The following CD163L1 variants were observed in gnomAD, a reference collection of about 807,000 sequenced individuals.
CD163L1 encodes the protein scavenger receptor cysteine-rich type 1 protein M160.
CD163L1 carries 124 observed loss-of-function variants against 165.4 expected under a neutral mutation model. The observed-to-expected ratio is 0.75, with a 90% CI of 0.65 to 0.87. The LOEUF is 0.87. Ranked by LOEUF, CD163L1 falls within the 40% of genes least tolerant of loss-of-function variation. The pLI, the probability that CD163L1 is intolerant of heterozygous loss-of-function variation, is 0.00. For missense variants in CD163L1, 1,525 were observed against 1,799.9 expected (o/e 0.85, Z 2.76); for synonymous variants, 585 against 662.2 (o/e 0.88, Z 1.79).
At chr12:7,382,971 C>G (rs952612940) in intron 8 of CD163L1, among the ~76,000 whole-genome samples, 8 of 152,152 alleles carry the variant, frequency 5.3e-5, no homozygotes, top group African/African-American at 9.7e-5. Context: ...GAGTGTTCCC[C>G]CATGATAAAG....
intron 1 of CD163L1, among the ~76,000 whole-genome samples, chr12:7,443,767 A>G (rs1231903885): frequency 6.6e-6 from 1 of 152,222 alleles, no homozygotes; most frequent in Non-Finnish European, 1.5e-5. Context: ...CATTTACTGT[A>G]GTACCTGGCA....
chr12:7,412,727 T>C (rs1948160022), intron 4 of CD163L1, among the ~76,000 whole-genome samples: 1 of 151,954 alleles, frequency 6.6e-6, no homozygotes, highest in African/African-American at 2.4e-5. Flanking sequence ...AGACCTCATA[T>C]CTCCCACAGA....
chr12:7,324,273 G>A, the CD163L1 span: 3 of 1,611,758 alleles, frequency 1.9e-6, no homozygotes, highest in Non-Finnish European at 2.5e-6. Context: ...TGGTTCCCAG[G>A]ACAATCCACA....
At position 7,398,324 on chromosome 12, in the gene CD163L1, G is replaced by T; in HGVS notation, c.1669C>A (p.His557Asn). The part of the protein sequence containing the change: ...GNESNIWDCE[H>N]SGWGKHNCVH... ...CAATTATGCTTTCCCCATCCACTGT[G>T]TTCACAGTCCCAGATATTTGACTCA... is the stretch of plus-strand genomic sequence containing the variant. Residue 557 changes from histidine to asparagine, a missense_variant, in exon 7 of 20, where the codon CAC (histidine) becomes AAC (asparagine). By Grantham distance (68) the His-to-Asn change is moderately conservative. Coordinates refer to ENST00000313599, the MANE Select transcript of CD163L1 (RefSeq NM_174941.6). The surrounding 1 kb of genome is among the most constrained non-coding windows in gnomAD (Gnocchi z 4.5). 4 of 1,614,130 alleles carry T rather than the reference G, an allele frequency of 2.5e-6. No individual in the cohort carries two copies. Among genetic ancestry groups the T allele is most frequent in the Non-Finnish European group, 3.4e-6 (4 of 1,180,004 alleles).
chr12:7,423,025 C>T (rs1591958688), intron 4 of CD163L1, among the ~76,000 whole-genome samples: 4 of 152,182 alleles, frequency 2.6e-5, no homozygotes, highest in Admixed American at 2.6e-4. Flanking sequence ...ACAGAATATA[C>T]ATTTTTCTCA....
chr12:7,427,059 A>C (rs1051071639), intron 4 of CD163L1, among the ~76,000 whole-genome samples: 5 of 152,158 alleles, frequency 3.3e-5, no homozygotes, highest in Non-Finnish European at 5.9e-5. Context: ...ATATAAAGCG[A>C]ATATTAAGAG....
downstream of CD163L1, among the ~76,000 whole-genome samples, chr12:7,345,388 C>A (rs1271685046): frequency 1.3e-5 from 2 of 152,142 alleles, no homozygotes; most frequent in African/African-American, 4.8e-5. Flanking sequence ...AGCAGCCAAG[C>A]TCTTTGCTAA....
downstream of CD163L1, among the ~76,000 whole-genome samples, chr12:7,346,285 T>C (rs1946669634): frequency 6.6e-6 from 1 of 152,170 alleles, no homozygotes; most frequent in South Asian, 2.1e-4. Flanking sequence ...TATTCCATTT[T>C]ATTTTTTATT....
chr12:7,335,062 C>T, the CD163L1 span, among the ~76,000 whole-genome samples: 1 of 152,140 alleles, frequency 6.6e-6, no homozygotes, highest in East Asian at 1.9e-4. Flanking sequence ...AATGGCCATA[C>T]TGCCCAAGGT....
At chr12:7,325,513 G>T in the CD163L1 span, among the ~76,000 whole-genome samples, 1 of 152,160 alleles carries the variant, frequency 6.6e-6, no homozygotes, top group African/African-American at 2.4e-5. Flanking sequence ...CTGGCATGGT[G>T]GCGGGCACCT....
intron 18 of CD163L1, among the ~76,000 whole-genome samples, chr12:7,365,439 TC>T (rs768951371): frequency 2.0e-5 from 3 of 152,168 alleles, no homozygotes; most frequent in Non-Finnish European, 4.4e-5. Context: ...TCAAAAATCT[TC>T]TGCCAGCAAA....
chr12:7,432,493 G>A lies in CD163L1; in HGVS notation c.689C>T (p.Ala230Val). 6.2e-7 allele frequency: 1 copy of A among 1,614,064 alleles called. No homozygotes were observed. The highest frequency in any genetic ancestry group is 1.7e-5 in the Admixed American group (1 of 60,016). The change falls in exon 4 of 20, where the codon GCA (alanine) becomes GTA (valine). Residue 230 changes from alanine (A) to valine (V), a missense_variant. Coordinates refer to ENST00000313599, the MANE Select transcript of CD163L1 (RefSeq NM_174941.6). The surrounding 1 kb of genome is among the most constrained non-coding windows in gnomAD (Gnocchi z 4.2). ...TCCACGATGTCTGCAATTCCAGAGT[G>A]CCAACTCATTCCCCTGGCATAAAAT... Reference protein sequence around the residue: ...DDILCQGNELALWNCRHRGWG... With the variant: ...DDILCQGNELVLWNCRHRGWG...
chr12:7,331,840 G>C, the CD163L1 span, among the ~76,000 whole-genome samples: 1 of 152,308 alleles, frequency 6.6e-6, no homozygotes, highest in African/African-American at 2.4e-5. Context: ...GGAAAAAACA[G>C]AGCAGAAAAA....
chr12:7,369,080 T>A lies in CD163L1; in HGVS notation c.4040-115A>T. ...TTAAATATCCTTTTAACATCTCCTG[T>A]GAATACTGGATGTCATTTAAAATAT... is the stretch of plus-strand genomic sequence containing the variant. On this transcript the variant is annotated intron_variant, in intron 15 of 19. Transcript: ENST00000313599. The surrounding 1 kb of genome is among the most constrained non-coding windows in gnomAD (Gnocchi z 4.9). 2 of 1,178,342 alleles carry A rather than the reference T, an allele frequency of 1.7e-6. No individual in the cohort carries two copies. The highest frequency in any genetic ancestry group is 2.4e-6 in the Non-Finnish European group (2 of 818,020). The allele number at this position is 1,178,342 out of a possible 1,614,324, so 73.0% of individuals were successfully genotyped here. A position where few individuals can be genotyped will look rare whatever the true frequency, so the allele number is the denominator to read the frequency against.
rs1946881627 is a variant in CD163L1 at position 7,361,103 on chromosome 12, T to C, written c.4280-3617A>G. On this transcript the variant is annotated intron_variant, in intron 18 of 19. Transcript: ENST00000313599. The stretch of plus-strand genomic sequence containing the variant: ...AAGACTTTGCTATTCTGTTTGGGTA[T>C]GCTTTTTGTATGTACCAATATGAGT... Among the ~76,000 whole-genome samples, 3 of 152,178 alleles carry C rather than the reference T, an allele frequency of 2.0e-5. 1 individual carries two copies. The highest frequency in any genetic ancestry group is 4.1e-4 in the South Asian group (2 of 4,832).
chr12:7,391,570 T>C (rs1404322846), intron 8 of CD163L1, among the ~76,000 whole-genome samples: 2 of 152,132 alleles, frequency 1.3e-5, no homozygotes, highest in African/African-American at 4.8e-5. Flanking sequence ...AACTTTGTGA[T>C]ACATGCACAA....
Position 7,442,328 on chromosome 12 carries a change from G to A in CD163L1, c.32-1082C>T, listed in dbSNP as rs143015019. Among the ~76,000 whole-genome samples, 8 of 152,236 alleles carry A rather than the reference G, an allele frequency of 5.3e-5. No homozygotes were observed. The East Asian group carries it at 9.7e-4, about 18-fold the overall frequency. On this transcript the variant is annotated intron_variant, in intron 1 of 19. Coordinates refer to ENST00000313599, the MANE Select transcript of CD163L1 (RefSeq NM_174941.6). ...GAGGACAGAAGGAACAGTACCCATC[G>A]GGGAAAGGCCCATGCTGCTTGGGCT... is the stretch of plus-strand genomic sequence containing the variant.
intron 4 of CD163L1, among the ~76,000 whole-genome samples, chr12:7,412,358 A>C (rs1273357045): frequency 6.6e-6 from 1 of 152,226 alleles, no homozygotes; most frequent in Non-Finnish European, 1.5e-5. Flanking sequence ...GGACACTCTC[A>C]TATGCTGTAT....
the CD163L1 span, chr12:7,324,150 T>A: frequency 8.5e-7 from 1 of 1,180,560 alleles, no homozygotes; most frequent in Non-Finnish European, 1.2e-6. Context: ...AGAGAGACTC[T>A]GTCTCAAAAA....
Sources: allele counts gnomAD v4.1 joint callset (sites outside exome capture counted in the v4.1 genomes callset), GRCh38; gene constraint gnomAD v4.1.1; non-coding constraint Gnocchi (gnomAD v3.1); transcripts MANE v1.5; gene names NCBI Gene and HGNC (gene_info 2026-07-23, HGNC 2026-07-21).